ACACB: variants seen among roughly 807,000 people sequenced by gnomAD.
ACACB encodes the protein acetyl-CoA carboxylase 2.
In ACACB, 209 loss-of-function variants were observed where a neutral mutation model predicts 278.8. The ratio of observed to expected loss-of-function variants is 0.75; its 90% CI spans 0.67 to 0.84. The LOEUF (loss-of-function observed/expected upper bound fraction) is 0.84. Among genes scored for constraint, ACACB ranks in the 40% least tolerant of loss-of-function variants. The pLI is 0.00. For missense variants in ACACB, 2,850 were observed against 3,269.0 expected, an observed-to-expected ratio of 0.87 and a Z score of 3.13; for synonymous variants, 1,174 against 1,285.6, an observed-to-expected ratio of 0.91 and a Z score of 1.86.
upstream of ACACB, among the ~76,000 whole-genome samples, chr12:109,115,411 A>G (rs909571802): frequency 4.6e-5 from 7 of 152,174 alleles, no homozygotes; most frequent in African/African-American, 1.4e-4. Flanking sequence ...TTTTCAATGG[A>G]ATTTTATAAA....
Position 109,148,272 on chromosome 12 carries a change from C to T in ACACB, c.653+8214C>T, listed in dbSNP as rs996922871. 5.9e-5 allele frequency among the ~76,000 whole-genome samples: 9 copies of T among 152,304 alleles called. No individual in the cohort carries two copies. In the South Asian group the frequency reaches 1.0e-3, roughly 18 times the overall value. On this transcript the variant is annotated intron_variant, in intron 2 of 52. Transcript: ENST00000338432. ...CTGCTTACATGCTCTGAAATGAGCA[C>T]GGTTACAAGAACCTCCTGTTCTGTG... is the stretch of plus-strand genomic sequence containing the variant.
intron 8 of ACACB, 21 bp from the exon 9 acceptor site, chr12:109,176,132 C>A (rs1348474880): frequency 1.2e-6 from 2 of 1,613,486 alleles, no homozygotes; most frequent in Non-Finnish European, 1.7e-6. Flanking sequence ...CTAAAGAGGT[C>A]TGTTTGTCCT....
At chr12:109,146,081 C>T (rs1404655001) in intron 2 of ACACB, among the ~76,000 whole-genome samples, 3 of 152,152 alleles carry the variant, frequency 2.0e-5, no homozygotes, top group East Asian at 1.9e-4. Flanking sequence ...ATCTTCTAAC[C>T]GTTTGAGGTC....
intron 34 of ACACB, among the ~76,000 whole-genome samples, chr12:109,237,614 G>A (rs767152157): frequency 1.1e-4 from 16 of 152,142 alleles, no homozygotes; most frequent in South Asian, 4.1e-4. Flanking sequence ...GGGTCTCTGC[G>A]CATGAGAAGA....
rs143702866 is a variant in ACACB, at chr12:109,151,939, G to A, written c.653+11881G>A. ...CAGAAACTGCAATTAGTTTTGCACC[G>A]ACTGAATATTATTCATTTCTTTCCG... On this transcript the variant is annotated intron_variant, in intron 2 of 52. Coordinates refer to ENST00000338432, the MANE Select transcript of ACACB (RefSeq NM_001093.4). Among the ~76,000 whole-genome samples, 504 of 152,266 alleles carry A rather than the reference G, an allele frequency of 3.3e-3. 9 individuals carry two copies. The highest frequency in any genetic ancestry group is 0.021 in the Admixed American group (321 of 15,294).
chr12:109,112,365 T>C (rs1467102144), upstream of ACACB, among the ~76,000 whole-genome samples: 1 of 151,628 alleles, frequency 6.6e-6, no homozygotes, highest in Non-Finnish European at 1.5e-5. Context: ...GAGCAGCTTC[T>C]GGGTCCATGA....
chr12:109,199,137 C>T (rs1234231272), intron 17 of ACACB, among the ~76,000 whole-genome samples: 5 of 151,918 alleles, frequency 3.3e-5, no homozygotes, highest in Non-Finnish European at 7.4e-5. Flanking sequence ...TTGCAGTGAG[C>T]CGAGATCGCG....
intron 13 of ACACB, among the ~76,000 whole-genome samples, chr12:109,191,214 T>G (rs115210439): frequency 9.3e-6 from 1 of 107,328 alleles, no homozygotes; most frequent in African/African-American, 3.5e-5. Context: ...TCTTAACTCT[T>G]CTTTTTTTTT....
At chr12:109,166,397 G>A (rs1039550686) in intron 2 of ACACB, among the ~76,000 whole-genome samples, 1 of 152,016 alleles carries the variant, frequency 6.6e-6, no homozygotes, top group African/African-American at 2.4e-5. Context: ...GGCCTCTTAA[G>A]GTGCTTTCAG....
At chr12:109,240,671 C>T (rs1468286442) in intron 35 of ACACB, among the ~76,000 whole-genome samples, 3 of 150,464 alleles carry the variant, frequency 2.0e-5, no homozygotes, top group Admixed American at 2.0e-4. Flanking sequence ...CTGATACATC[C>T]GTTTGGTATC....
intron 28 of ACACB, among the ~76,000 whole-genome samples, chr12:109,231,499 A>G (rs896187960): frequency 8.5e-5 from 13 of 152,216 alleles, no homozygotes; most frequent in African/African-American, 3.1e-4. Flanking sequence ...CCCTGGATTG[A>G]GCTGTCGGGG....
intron 2 of ACACB, among the ~76,000 whole-genome samples, chr12:109,156,095 C>T (rs1260830251): frequency 6.6e-6 from 1 of 152,170 alleles, no homozygotes; most frequent in Non-Finnish European, 1.5e-5. Flanking sequence ...CAGGGTGGTG[C>T]AAGCCTGTAG....
chr12:109,192,171 G>A (rs540054036), intron 15 of ACACB, among the ~76,000 whole-genome samples: 1 of 152,332 alleles, frequency 6.6e-6, no homozygotes, highest in African/African-American at 2.4e-5. Context: ...GTGGCAGTCA[G>A]TGAACAGGCT....
chr12:109,148,672 A>G (rs757992869), intron 2 of ACACB, among the ~76,000 whole-genome samples: 2 of 152,218 alleles, frequency 1.3e-5, no homozygotes, highest in Non-Finnish European at 1.5e-5. Context: ...AAGTTCCAAA[A>G]CATATCAGGC....
intron 28 of ACACB, among the ~76,000 whole-genome samples, chr12:109,231,013 A>T (rs1390354320): frequency 6.6e-6 from 1 of 152,134 alleles, no homozygotes; most frequent in Non-Finnish European, 1.5e-5. Flanking sequence ...CAGCCCTTTA[A>T]TGCCTCTGTA....
chr12:109,261,004 G>A (rs1241829334), intron 48 of ACACB, among the ~76,000 whole-genome samples: 1 of 152,170 alleles, frequency 6.6e-6, no homozygotes, highest in East Asian at 1.9e-4. Context: ...CTCCTGGTAG[G>A]TGGTCAGAAA....
chr12:109,205,055 G>A (rs1022918144), intron 19 of ACACB, among the ~76,000 whole-genome samples: 1 of 151,670 alleles, frequency 6.6e-6, no homozygotes, highest in East Asian at 1.9e-4. Flanking sequence ...GGTTTCACTA[G>A]GTTGGCCAGG....
chr12:109,183,552 G>A (rs904571300), intron 11 of ACACB, among the ~76,000 whole-genome samples: 7 of 152,024 alleles, frequency 4.6e-5, no homozygotes, highest in African/African-American at 1.7e-4. Context: ...TATCATAAAT[G>A]GAATTACTTT....
intron 12 of ACACB, 143 bp downstream of exon 12, chr12:109,185,883 A>C (rs1041965450): frequency 5.7e-6 from 4 of 705,896 alleles, no homozygotes; most frequent in South Asian, 2.4e-5. Context: ...ATGGGAAGGG[A>C]CATCCCATGG....
Sources: gnomAD v4.1 joint callset for allele counts (sites outside exome capture counted in the v4.1 genomes callset) on GRCh38, gnomAD v4.1.1 for gene constraint, MANE v1.5 for transcripts, NCBI Gene and HGNC (gene_info 2026-07-23, HGNC 2026-07-21) for gene names.